PCSK2: variants seen among roughly 807,000 people sequenced by gnomAD.
The protein encoded by PCSK2 is proprotein convertase subtilisin/kexin type 2.
A neutral mutation model predicts 69.7 loss-of-function variants in PCSK2; 14 were observed. The observed-to-expected ratio is 0.20, with a 90% CI of 0.13 to 0.31. The LOEUF is 0.31. Ranked by LOEUF, PCSK2 falls within the 10% of genes least tolerant of loss-of-function variation. The pLI is 1.00. For synonymous variants in PCSK2, 307 were observed against 320.7 expected (o/e 0.96, Z 0.46); for missense variants, 544 against 842.5 (o/e 0.65, Z 4.39).
intron 1 of PCSK2, among the ~76,000 whole-genome samples, chr20:17,235,315 A>T (rs1422191758): frequency 6.6e-6 from 1 of 152,152 alleles, no homozygotes; most frequent in Non-Finnish European, 1.5e-5. Flanking sequence ...CAGTTTCTCC[A>T]TTAGAAAATT....
At chr20:17,293,076 C>T (rs1220707302) in intron 2 of PCSK2, among the ~76,000 whole-genome samples, 6 of 152,122 alleles carry the variant, frequency 3.9e-5, no homozygotes, top group Non-Finnish European at 7.4e-5. Context: ...CCACCTGCCT[C>T]GGCCTCTCAA....
At chr20:17,402,965 A>T (rs1463001133) in intron 5 of PCSK2, among the ~76,000 whole-genome samples, 2 of 152,164 alleles carry the variant, frequency 1.3e-5, no homozygotes, top group African/African-American at 4.8e-5. Flanking sequence ...TCAAAAAAAA[A>T]AAGAAAAGAA....
At chr20:17,232,106 C>T (rs1986162311) in intron 1 of PCSK2, among the ~76,000 whole-genome samples, 1 of 152,196 alleles carries the variant, frequency 6.6e-6, no homozygotes, top group South Asian at 2.1e-4. Context: ...TTTGCGTAAT[C>T]TAATCACAGA....
At chr20:17,378,057 G>A (rs2030978440) in intron 5 of PCSK2, among the ~76,000 whole-genome samples, 1 of 152,138 alleles carries the variant, frequency 6.6e-6, no homozygotes, top group African/African-American at 2.4e-5. Context: ...GAATTATGAA[G>A]TGTGAAAAAT....
At chr20:17,388,854 C>T (rs1052732349) in intron 5 of PCSK2, among the ~76,000 whole-genome samples, 1 of 152,108 alleles carries the variant, frequency 6.6e-6, no homozygotes, top group African/African-American at 2.4e-5. Flanking sequence ...AAGATTTTGA[C>T]GGGAATATAT....
Position 17,260,273 on chromosome 20 carries a change from C to A in PCSK2, c.211C>A (p.His71Asn). ...PFAEGLYHFY[H>N]NGLAKAKRRR... ...TGCTGAAGGTCTGTACCACTTTTAT[C>A]ACAATGGCCTTGCAAAGGCCAAGAG... The change falls in exon 2 of 12, where the codon CAC becomes AAC. Residue 71 changes from histidine (H) to asparagine (N), a missense_variant. By Grantham distance (68) the His-to-Asn change is moderately conservative. Around this residue, in one of 3 missense-constraint regions of PCSK2, gnomAD observed 157 missense variants for 155.0 expected, o/e 1.01. Coordinates refer to ENST00000262545, the MANE Select transcript of PCSK2 (RefSeq NM_002594.5). 6.2e-7 allele frequency: 1 copy of A among 1,613,430 alleles called. No homozygotes were observed. Among genetic ancestry groups the A allele is most frequent in the Non-Finnish European group, 8.5e-7 (1 of 1,179,414 alleles).
At chr20:17,287,431 C>CTGTG (rs67695913) in intron 2 of PCSK2, among the ~76,000 whole-genome samples, 3,603 of 146,014 alleles carry the variant, frequency 0.025, 50 homozygotes, top group Non-Finnish European at 0.034. Context: ...ATGTGCGTGT[C>CTGTG]TGTGTGTGTG....
chr20:17,410,816 T>G (rs1215237053), intron 6 of PCSK2, among the ~76,000 whole-genome samples: 1 of 152,172 alleles, frequency 6.6e-6, no homozygotes, highest in Non-Finnish European at 1.5e-5. Context: ...GCAGTGGCCA[T>G]CCAGGGCACA....
Position 17,290,089 on chromosome 20 carries a change from T to A in PCSK2, c.282+29745T>A, listed in dbSNP as rs190957491. On this transcript the variant is annotated intron_variant, in intron 2 of 11. Transcript: ENST00000262545. The stretch of plus-strand genomic sequence containing the variant: ...GGCAGGTCAGAGATGGCATCTTATT[T>A]TATTTTAATTTGCATGTACTTGATT... Among the ~76,000 whole-genome samples the A allele has an allele frequency of 5.3e-5, 8 of 152,354 alleles. No individual in the cohort carries two copies. The East Asian group carries it at 1.5e-3, about 29-fold the overall frequency.
intron 5 of PCSK2, among the ~76,000 whole-genome samples, chr20:17,399,409 T>C (rs1386656191): frequency 6.6e-6 from 1 of 152,240 alleles, no homozygotes; most frequent in Non-Finnish European, 1.5e-5. Flanking sequence ...CATAAACAAA[T>C]GTATTTTAAA....
At chr20:17,428,854 G>T (rs997526777) in intron 6 of PCSK2, among the ~76,000 whole-genome samples, 1 of 151,342 alleles carries the variant, frequency 6.6e-6, no homozygotes, top group Non-Finnish European at 1.5e-5. Flanking sequence ...CAAAAAATTA[G>T]CCAGGCGTGG....
chr20:17,263,677 G>A (rs1177283686), intron 2 of PCSK2, among the ~76,000 whole-genome samples: 4 of 151,920 alleles, frequency 2.6e-5, no homozygotes, highest in Non-Finnish European at 4.4e-5. Context: ...CTTAATTGTG[G>A]GTAACAGAAA....
intron 10 of PCSK2, among the ~76,000 whole-genome samples, chr20:17,460,699 T>C (rs2123393582): frequency 6.6e-6 from 1 of 152,336 alleles, no homozygotes; most frequent in Middle Eastern, 3.4e-3. Context: ...TGTCTGGTGA[T>C]TTTTAAGGTT....
At chr20:17,388,884 T>C (rs2031303979) in intron 5 of PCSK2, among the ~76,000 whole-genome samples, 1 of 152,152 alleles carries the variant, frequency 6.6e-6, no homozygotes, top group African/African-American at 2.4e-5. Context: ...GTATCACTGA[T>C]GTTCAGTCTC....
intron 4 of PCSK2, among the ~76,000 whole-genome samples, chr20:17,361,986 C>A (rs2030412099): frequency 6.6e-6 from 1 of 152,198 alleles, no homozygotes; most frequent in South Asian, 2.1e-4. Context: ...ATTGTCATGA[C>A]CATTTCTAAC....
chr20:17,367,370 T>A (rs2030625222), intron 4 of PCSK2, among the ~76,000 whole-genome samples: 2 of 152,232 alleles, frequency 1.3e-5, no homozygotes. Context: ...CAATGAATTG[T>A]CTCTAATCTT....
rs149117665 is a variant in PCSK2 at position 17,346,968 on chromosome 20, A to G, written c.283-11359A>G. The stretch of plus-strand genomic sequence containing the variant: ...TAATTACATTGATTTATCTCACGGT[A>G]TACCTTGTATCCAGAGCTTTAGATG... On this transcript the variant is annotated intron_variant, in intron 2 of 11. Coordinates refer to ENST00000262545, the MANE Select transcript of PCSK2 (RefSeq NM_002594.5). Among the ~76,000 whole-genome samples the G allele has an allele frequency of 1.3e-5, 2 of 152,276 alleles. 1 individual carries two copies. Among genetic ancestry groups the G allele is most frequent in the East Asian group, 3.9e-4 (2 of 5,168 alleles).
At position 17,227,171 on chromosome 20, in the gene PCSK2, T is replaced by A. The variant is rs905814998; in HGVS notation, c.-135T>A. On this transcript the variant is annotated 5_prime_UTR_variant, in exon 1 of 12. Coordinates refer to ENST00000262545, the MANE Select transcript of PCSK2 (RefSeq NM_002594.5). Reference sequence around the variant, plus strand: ...ACTGATTCGCTGCTTTCCAAGACCCTGTTCAGTCTCTTTCTCTATACAAAG... The same window carrying A: ...ACTGATTCGCTGCTTTCCAAGACCCAGTTCAGTCTCTTTCTCTATACAAAG... 135 of 620,040 alleles carry A rather than the reference T, an allele frequency of 2.2e-4. No individual in the cohort carries two copies. The African/African-American group carries it at 2.3e-3, about 10-fold the overall frequency. The allele number at this position is 620,040 out of a possible 1,614,324, so 38.4% of individuals were successfully genotyped here. A position where few individuals can be genotyped will look rare whatever the true frequency, so the allele number is the denominator to read the frequency against.
intron 2 of PCSK2, among the ~76,000 whole-genome samples, chr20:17,336,272 A>T (rs905923993): frequency 6.6e-6 from 1 of 152,186 alleles, no homozygotes; most frequent in African/African-American, 2.4e-5. Context: ...TTAAGAGACA[A>T]ACACAGGTAT....
Sources: gnomAD v4.1 joint callset for allele counts (sites outside exome capture counted in the v4.1 genomes callset) on GRCh38, gnomAD v4.1.1 for gene constraint, gnomAD v4.1.1 regional missense constraint, MANE v1.5 for transcripts, NCBI Gene and HGNC (gene_info 2026-07-23, HGNC 2026-07-21) for gene names.